SIK3: variants seen among roughly 807,000 people sequenced by gnomAD.
SIK3 encodes serine/threonine-protein kinase SIK3.
Under a neutral mutation model 144.2 loss-of-function variants are expected in SIK3, and 28 were observed. The observed-to-expected ratio is 0.19, with a 90% CI of 0.14 to 0.27. The LOEUF is 0.27. SIK3 is among the 10% of genes least tolerant of loss of function. The pLI is 1.00. For missense variants in SIK3, 1,319 were observed against 1,776.0 expected (o/e 0.74, Z 4.62); for synonymous variants, 686 against 676.3 (o/e 1.01, Z -0.22).
At chr11:117,002,067 T>C (rs1459045524) in intron 1 of SIK3, among the ~76,000 whole-genome samples, 1 of 152,198 alleles carries the variant, frequency 6.6e-6, no homozygotes, top group African/African-American at 2.4e-5. Flanking sequence ...AAGAAACCAT[T>C]TGCAGTTCCC....
intron 13 of SIK3, among the ~76,000 whole-genome samples, chr11:116,872,059 G>A (rs1943999550): frequency 6.6e-6 from 1 of 152,040 alleles, no homozygotes; most frequent in Non-Finnish European, 1.5e-5. Flanking sequence ...TAGGGCCTAG[G>A]ATAAAACTCT....
chr11:116,846,309 T>A lies in SIK3; in HGVS notation c.*13+74A>T, dbSNP rs1018141727. On this transcript the variant is annotated intron_variant, in intron 24 of 24. Coordinates refer to ENST00000445177, the MANE Select transcript of SIK3 (RefSeq NM_001366686.3). The surrounding 1 kb of genome is among the most constrained non-coding windows in gnomAD (Gnocchi z 4.1). ...GCACTGGCCACCACAACACATGGGCTGAAGCTCCTGATGGGATTGGGAGCA... is the reference window on the plus strand; with the variant it reads ...GCACTGGCCACCACAACACATGGGCAGAAGCTCCTGATGGGATTGGGAGCA... The A allele has an allele frequency of 1.3e-5, 20 of 1,496,310 alleles. No individual in the cohort carries two copies. In the East Asian group the frequency reaches 4.5e-4, roughly 34 times the overall value. 92.7% of individuals were successfully genotyped at this position (1,496,310 alleles called of 1,614,324 possible).
chr11:116,925,322 A>G (rs1947216498), intron 4 of SIK3, among the ~76,000 whole-genome samples: 1 of 152,236 alleles, frequency 6.6e-6, no homozygotes, highest in African/African-American at 2.4e-5. Context: ...CAATGTAATG[A>G]CAAAGGTCCT....
At chr11:116,997,712 A>C (rs914539306) in intron 1 of SIK3, among the ~76,000 whole-genome samples, 2 of 152,236 alleles carry the variant, frequency 1.3e-5, no homozygotes, top group African/African-American at 4.8e-5. Context: ...AACATTCTTA[A>C]CATTTTCCCA....
chr11:116,967,227 T>C (rs1949591454), intron 1 of SIK3, among the ~76,000 whole-genome samples: 1 of 152,192 alleles, frequency 6.6e-6, no homozygotes, highest in Non-Finnish European at 1.5e-5. Flanking sequence ...AGAAGGATTG[T>C]ACTCTTCCCA....
intron 1 of SIK3, among the ~76,000 whole-genome samples, chr11:116,971,600 TAAA>T (rs1213422728): frequency 1.3e-5 from 2 of 152,218 alleles, no homozygotes; most frequent in Non-Finnish European, 2.9e-5. Flanking sequence ...AAGTAGACAA[TAAA>T]ATAATTCAAA....
chr11:117,020,236 C>CATATATAT lies in SIK3; in HGVS notation c.274-63180_274-63173dup, dbSNP rs754633188. The stretch of plus-strand genomic sequence containing the variant: ...GGTGATATTTGTATGTGTATATGTG[C>CATATATAT]ATATATATATACACATACATATATC... On this transcript the variant is annotated intron_variant, in intron 1 of 24. Coordinates refer to ENST00000445177, the MANE Select transcript of SIK3 (RefSeq NM_001366686.3). Among the ~76,000 whole-genome samples the CATATATAT allele has an allele frequency of 3.8e-4, 47 of 122,264 alleles. 3 individuals carry two copies. Among genetic ancestry groups the CATATATAT allele is most frequent in the East Asian group, 1.1e-3 (5 of 4,546 alleles). The allele number at this position is 122,264 out of a possible 152,430, so 80.2% of individuals were successfully genotyped here.
At chr11:117,005,416 G>A (rs955857279) in intron 1 of SIK3, among the ~76,000 whole-genome samples, 2 of 151,920 alleles carry the variant, frequency 1.3e-5, no homozygotes, top group Admixed American at 1.3e-4. Flanking sequence ...GCATGGAGGT[G>A]GGAGGTGTTT....
intron 3 of SIK3, among the ~76,000 whole-genome samples, chr11:116,947,649 T>C (rs1387915647): frequency 6.6e-6 from 1 of 151,290 alleles, no homozygotes; most frequent in African/African-American, 2.4e-5. Context: ...CACTGCAAGT[T>C]CCGCCTCCCA....
intron 1 of SIK3, among the ~76,000 whole-genome samples, chr11:117,010,090 G>C (rs1951196494): frequency 6.6e-6 from 1 of 151,928 alleles, no homozygotes; most frequent in Admixed American, 6.5e-5. Flanking sequence ...ACGGTGGGAA[G>C]TGGCTTCTTC....
At chr11:117,032,023 G>C (rs775505671) in intron 1 of SIK3, among the ~76,000 whole-genome samples, 3 of 152,006 alleles carry the variant, frequency 2.0e-5, no homozygotes, top group Admixed American at 6.6e-5. Context: ...TTTCTATTCT[G>C]TTTCATTGAT....
intron 3 of SIK3, among the ~76,000 whole-genome samples, chr11:116,945,894 T>G (rs1212433538): frequency 2.0e-5 from 3 of 152,210 alleles, no homozygotes; most frequent in Non-Finnish European, 4.4e-5. Context: ...ACTTTCTCCA[T>G]GCTGATCCAG....
chr11:117,005,679 A>G (rs1314232341), intron 1 of SIK3, among the ~76,000 whole-genome samples: 1 of 152,220 alleles, frequency 6.6e-6, no homozygotes, highest in Non-Finnish European at 1.5e-5. Flanking sequence ...ATAGAATGAG[A>G]GTAATAAAAA....
chr11:117,012,474 C>T (rs1951304351), intron 1 of SIK3, among the ~76,000 whole-genome samples: 1 of 152,150 alleles, frequency 6.6e-6, no homozygotes, highest in South Asian at 2.1e-4. Flanking sequence ...GAAGGCTTTC[C>T]ATACTTTAAC....
At chr11:117,025,065 CG>C (rs1258320123) in intron 1 of SIK3, among the ~76,000 whole-genome samples, 1 of 152,178 alleles carries the variant, frequency 6.6e-6, no homozygotes. Flanking sequence ...ACTCATCCAT[CG>C]GTAATAACAT....
At chr11:116,923,136 A>G (rs945510605) in intron 4 of SIK3, among the ~76,000 whole-genome samples, 28 of 152,026 alleles carry the variant, frequency 1.8e-4, no homozygotes, top group African/African-American at 5.8e-4. Flanking sequence ...GGCTGGTCTC[A>G]AACTCCTGAC....
intron 1 of SIK3, among the ~76,000 whole-genome samples, chr11:117,005,698 C>T (rs1282429642): frequency 6.6e-6 from 1 of 152,152 alleles, no homozygotes; most frequent in Non-Finnish European, 1.5e-5. Context: ...AATCTTACTT[C>T]TATTACTATC....
chr11:116,971,312 T>C (rs375033721), intron 1 of SIK3, among the ~76,000 whole-genome samples: 45 of 152,262 alleles, frequency 3.0e-4, no homozygotes, highest in Non-Finnish European at 4.6e-4. Flanking sequence ...CAGAAAGACA[T>C]GAACACAGAA....
intron 6 of SIK3, among the ~76,000 whole-genome samples, chr11:116,885,495 C>T (rs1944764979): frequency 1.3e-5 from 2 of 152,200 alleles, no homozygotes; most frequent in Middle Eastern, 6.8e-3. Flanking sequence ...CTAGCCCAAC[C>T]CTGAAAAGAT....
Sources: allele counts gnomAD v4.1 joint callset (sites outside exome capture counted in the v4.1 genomes callset), GRCh38; gene constraint gnomAD v4.1.1; non-coding constraint Gnocchi (gnomAD v3.1); transcripts MANE v1.5; gene names NCBI Gene and HGNC (gene_info 2026-07-23, HGNC 2026-07-21).